TTN: variants seen among roughly 807,000 people sequenced by gnomAD.
The protein encoded by TTN is connectin.
A neutral mutation model predicts 3,223.0 loss-of-function variants in TTN; 1,525 were observed. The ratio of observed to expected loss-of-function variants is 0.47; its 90% CI spans 0.45 to 0.49. The LOEUF is 0.49. Among genes scored for constraint, TTN ranks in the 20% least tolerant of loss-of-function variants. The pLI is 0.00. For synonymous variants in TTN, 14,094 were observed against 15,161.0 expected (o/e 0.93, Z 5.17); for missense variants, 40,786 against 43,424.0 (o/e 0.94, Z 5.40).
rs763393324 is a variant in TTN at position 178,769,907 on chromosome 2, C to T, written c.8674G>A (p.Glu2892Lys). 21 of 1,613,778 alleles carry T rather than the reference C, an allele frequency of 1.3e-5. No homozygotes were observed. Among genetic ancestry groups the T allele is most frequent in the Non-Finnish European group, 1.7e-5 (20 of 1,179,992 alleles). Residue 2892 changes from glutamate to lysine, a missense_variant, in exon 37 of 363, where the codon GAG becomes AAG. Physicochemically the swap from Glu to Lys is moderately conservative, Grantham distance 56 (BLOSUM62 1). Transcript: ENST00000589042. ...GAGGCAGTTTTGGTCTCAGGCACCT[C>T]GATATTTTTCATGGTTTTTGTAATA... ...LHITKTMKNI[E>K]VPETKTASFE... is the part of the protein sequence containing the mutation.
In TTN at chr2:178,589,208, C is replaced by A; in HGVS notation, c.62517G>T (p.Gly20839=). ...TAGTTGCCGTAACTACATATTTACC[C>A]CCATCACTTCGCTTTGCTTTAGTAA... ...FSLTKAKRSD[G]GKYVVTATNT... is the part of the protein sequence containing the mutation. The change falls in exon 304 of 363, where the codon GGG becomes GGT. Residue 20839 remains glycine (G), a synonymous_variant. Transcript: ENST00000589042. 3 of 1,613,502 alleles carry A rather than the reference C, an allele frequency of 1.9e-6. No homozygotes were observed. The highest frequency in any genetic ancestry group is 2.5e-6 in the Non-Finnish European group (3 of 1,179,624).
chr2:178,611,751 T>TA lies in TTN; in HGVS notation c.50551+6dup. On this transcript the variant is annotated splice_region_variant and intron_variant, in intron 268 of 362. Transcript: ENST00000589042. ...ACAATATCTTGTGTATAATCAGCAC[T>TA]ACTTACTTGTTGGATCTTCAATGGA... 6.2e-7 allele frequency: 1 copy of TA among 1,611,680 alleles called. No homozygotes were observed. The highest frequency in any genetic ancestry group is 1.1e-5 in the South Asian group (1 of 90,696).
Position 178,781,264 on chromosome 2 carries a change from C to A in TTN, c.3381-1G>T, listed in dbSNP as rs763396141. On this transcript the variant is annotated splice_acceptor_variant, in intron 20 of 362. Transcript: ENST00000589042. LOFTEE classifies it high-confidence loss of function. ...TTGTTTGTTGTAACTCACTTTGTAT[C>A]TTTATGTAAATGTACAAAATTTAAA... The A allele has an allele frequency of 6.2e-7, 1 of 1,613,876 alleles. No individual in the cohort carries two copies. Among genetic ancestry groups the A allele is most frequent in the South Asian group, 1.1e-5 (1 of 91,076 alleles).
chr2:178,766,431 T>G lies in TTN; in HGVS notation c.9653A>C (p.Tyr3218Ser). 1 of 1,614,162 alleles carries G rather than the reference T, an allele frequency of 6.2e-7. No homozygotes were observed. Among genetic ancestry groups the G allele is most frequent in the South Asian group, 1.1e-5 (1 of 91,086 alleles). The stretch of plus-strand genomic sequence containing the variant: ...CCTGTTCCTTCCTGCCACAAAGGTG[T>G]ATTCTCCTGCATCGCTCTGTCTGGT... ...SETRQSDAGE[Y>S]TFVAGRNRSS... is the part of the protein sequence containing the mutation. Residue 3218 changes from tyrosine (Y) to serine (S), a missense_variant, in exon 41 of 363, where the codon TAC becomes TCC. Physicochemically the swap from Tyr to Ser is moderately radical, Grantham distance 144. Transcript: ENST00000589042.
intron 353 of TTN, 21 bp downstream of exon 353, chr2:178,538,925 C>A (rs751199790): frequency 3.8e-6 from 6 of 1,592,642 alleles, no homozygotes; most frequent in Non-Finnish European, 4.3e-6. Flanking sequence ...TTAATTTAAC[C>A]CCTTCTTCTG....
At chr2:178,742,089 G>T (rs2082595806) in intron 47 of TTN, among the ~76,000 whole-genome samples, 168 bp from the exon 48 acceptor site, 1 of 151,812 alleles carries the variant, frequency 6.6e-6, no homozygotes, top group African/African-American at 2.4e-5. Context: ...ATTTTTCTTA[G>T]CTTAACATAT....
At chr2:178,558,969 A>G (rs1702544932) in intron 326 of TTN, 1 of 363,170 alleles carries the variant, frequency 2.8e-6, no homozygotes, top group Non-Finnish European at 4.9e-6. Flanking sequence ...GTACACACGC[A>G]CATACACACA....
chr2:178,699,479 T>A (rs2074443705), intron 111 of TTN, among the ~76,000 whole-genome samples: 1 of 120,652 alleles, frequency 8.3e-6, no homozygotes. Flanking sequence ...TGGCGCAATC[T>A]CGGCTCACTG....
intron 240 of TTN, among the ~76,000 whole-genome samples, chr2:178,626,776 T>C (rs2059118340): frequency 6.6e-6 from 1 of 151,960 alleles, no homozygotes; most frequent in Non-Finnish European, 1.5e-5. Flanking sequence ...CAGTATAAAT[T>C]TTGGCATGCA....
rs558220856 is a variant in TTN at position 178,705,259 on chromosome 2, C to T, written c.29519G>A (p.Arg9840His). The T allele has an allele frequency of 2.1e-5, 34 of 1,613,578 alleles. No homozygotes were observed. The highest frequency in any genetic ancestry group is 1.7e-4 in the Middle Eastern group (1 of 6,058). The stretch of plus-strand genomic sequence containing the variant: ...TCGGAAGTCAGTGATTCCATACATG[C>T]GGGCATATTTTTCATATTCTTTAGG... The part of the protein sequence containing the change: ...VDPKEYEKYA[R>H]MYGITDFRGL... The change falls in exon 103 of 363, where the codon CGC (arginine) becomes CAC (histidine). Residue 9840 changes from arginine to histidine, a missense_variant. Physicochemically the swap from Arg to His is conservative, Grantham distance 29 (BLOSUM62 0). Transcript: ENST00000589042.
At chr2:178,550,523 A>T (rs1698983230) in intron 336 of TTN, 1 of 482,436 alleles carries the variant, frequency 2.1e-6, no homozygotes, top group East Asian at 3.5e-5. Context: ...TAAAAAGGAA[A>T]GTGAAACATT....
intron 271 of TTN, 47 bp downstream of exon 271, chr2:178,610,043 T>G (rs905699209): frequency 1.2e-6 from 2 of 1,611,010 alleles, no homozygotes; most frequent in Admixed American, 3.4e-5. Context: ...AAAACAAAAC[T>G]ATGGTTTATT....
intron 1 of TTN, among the ~76,000 whole-genome samples, 181 bp downstream of exon 1, chr2:178,807,031 G>A (rs943525112): frequency 1.1e-4 from 17 of 152,054 alleles, no homozygotes; most frequent in Non-Finnish European, 2.2e-4. Context: ...ACTTTTTAAG[G>A]AAAAATGTTC....
intron 47 of TTN, chr2:178,744,855 G>C (rs547753366): frequency 1.0e-6 from 1 of 985,024 alleles, no homozygotes; most frequent in African/African-American, 1.7e-5. Context: ...ATCTCCAAAA[G>C]TGGAAAGATC....
Position 178,751,809 on chromosome 2 carries a change from G to A in TTN, c.11311+1315C>T, listed in dbSNP as rs754822736. The A allele has an allele frequency of 1.2e-5, 19 of 1,612,896 alleles. No homozygotes were observed. Among genetic ancestry groups the A allele is most frequent in the Non-Finnish European group, 1.6e-5 (19 of 1,179,354 alleles). On this transcript the variant is annotated intron_variant, in intron 47 of 362. Coordinates refer to ENST00000589042, the MANE Select transcript of TTN (RefSeq NM_001267550.2). ...TGAAACCAAGTCATTTCTGGAGTTG[G>A]ACAGGCAATTAATCTACATGTAAAA...
chr2:178,539,307 A>T, intron 352 of TTN, 56 bp from the exon 353 acceptor site: 2 of 1,596,092 alleles, frequency 1.3e-6, no homozygotes, highest in Non-Finnish European at 1.7e-6. Context: ...AAGTATTATA[A>T]GCCAATGACT....
chr2:178,587,337 T>C lies in TTN; in HGVS notation c.63874A>G (p.Asn21292Asp). The change falls in exon 307 of 363, where the codon AAC (asparagine) becomes GAC (aspartate). Residue 21292 changes from asparagine to aspartate, a missense_variant. Asn to Asp is a conservative substitution (Grantham distance 23, BLOSUM62 1). Coordinates refer to ENST00000589042, the MANE Select transcript of TTN (RefSeq NM_001267550.2). ...SCHVSWAPPE[N>D]DGGSQVTHYI... ...TGTGTCACTTGGCTCCCACCGTCGT[T>C]TTCAGGAGGGGCCCAGGACACATGG... The C allele has an allele frequency of 6.3e-7, 1 of 1,594,648 alleles. No homozygotes were observed. The highest frequency in any genetic ancestry group is 2.3e-5 in the East Asian group (1 of 43,046).
intron 143 of TTN, 117 bp downstream of exon 143, chr2:178,678,629 TA>T: frequency 8.7e-7 from 1 of 1,153,368 alleles, no homozygotes; most frequent in South Asian, 1.7e-5. Flanking sequence ...ATTTTTAAAA[TA>T]AAATATTTAA....
chr2:178,757,502 A>G (rs780052895), intron 45 of TTN, 40 bp downstream of exon 45: 7 of 1,518,610 alleles, frequency 4.6e-6, no homozygotes, highest in Non-Finnish European at 6.2e-6. Context: ...ACTGAGAGGT[A>G]TACAGCAAAT....
Sources: allele counts gnomAD v4.1 joint callset (sites outside exome capture counted in the v4.1 genomes callset), GRCh38; gene constraint gnomAD v4.1.1; transcripts MANE v1.5; gene names NCBI Gene and HGNC (gene_info 2026-07-23, HGNC 2026-07-21).